EYA1: variants seen among roughly 807,000 people sequenced by gnomAD.
EYA1 encodes EYA transcriptional coactivator and phosphatase 1, also known as protein phosphatase EYA1.
A neutral mutation model predicts 82.0 loss-of-function variants in EYA1; 16 were observed. That is an observed-to-expected ratio of 0.20 (90% CI 0.13 to 0.30). EYA1 has a LOEUF of 0.30. EYA1 is among the 10% of genes least tolerant of loss of function. EYA1 has a pLI of 1.00. For missense variants in EYA1, 633 were observed against 730.7 expected (o/e 0.87, Z 1.54); for synonymous variants, 261 against 264.4 (o/e 0.99, Z 0.12).
At chr8:71,388,821 T>C (rs1829111423) in intron 2 of EYA1, among the ~76,000 whole-genome samples, 1 of 151,938 alleles carries the variant, frequency 6.6e-6, no homozygotes, top group African/African-American at 2.4e-5. Context: ...AGCTTGAAAA[T>C]GAATTGAATT....
intron 2 of EYA1, among the ~76,000 whole-genome samples, chr8:71,518,168 A>G (rs1413793191): frequency 1.3e-5 from 2 of 152,238 alleles, no homozygotes; most frequent in East Asian, 1.9e-4. Context: ...TATCAGTCTA[A>G]GCAACCATTA....
chr8:71,391,781 T>C (rs996181394), intron 2 of EYA1, among the ~76,000 whole-genome samples: 1 of 152,196 alleles, frequency 6.6e-6, no homozygotes, highest in Non-Finnish European at 1.5e-5. Context: ...CAGTGGTTCA[T>C]ACTGTAGTAC....
Position 71,263,990 on chromosome 8 carries a change from G to C in EYA1, c.1050+5750C>G, listed in dbSNP as rs566068297. Among the ~76,000 whole-genome samples, 50 of 152,322 alleles carry C rather than the reference G, an allele frequency of 3.3e-4. No homozygotes were observed. In the South Asian group the frequency reaches 9.9e-3, roughly 30 times the overall value. The stretch of plus-strand genomic sequence containing the variant: ...ACACAGCCACATTTATTCATTGGTT[G>C]CTTTTGCACTACTAAGGCAGAACTG... On this transcript the variant is annotated intron_variant, in intron 11 of 17. Transcript: ENST00000340726.
At chr8:71,328,987 A>G (rs1403186675) in intron 4 of EYA1, among the ~76,000 whole-genome samples, 1 of 152,184 alleles carries the variant, frequency 6.6e-6, no homozygotes, top group Non-Finnish European at 1.5e-5. Context: ...GAAGACCATC[A>G]GGACTGCAAC....
chr8:71,349,199 C>A (rs2129062025), intron 3 of EYA1, among the ~76,000 whole-genome samples: 1 of 152,282 alleles, frequency 6.6e-6, no homozygotes, highest in South Asian at 2.1e-4. Flanking sequence ...CTCACGCACA[C>A]CAGAACTTCA....
At chr8:71,297,802 C>G (rs879592365) in intron 9 of EYA1, among the ~76,000 whole-genome samples, 1 of 152,122 alleles carries the variant, frequency 6.6e-6, no homozygotes, top group Non-Finnish European at 1.5e-5. Flanking sequence ...GATATGTATA[C>G]TCAGTTCTAT....
chr8:71,247,866 A>G (rs896331351), intron 11 of EYA1, among the ~76,000 whole-genome samples: 4 of 152,112 alleles, frequency 2.6e-5, no homozygotes, highest in Non-Finnish European at 4.4e-5. Context: ...TCTCATAACC[A>G]TGTCAATGAA....
chr8:71,354,983 G>C, intron 2 of EYA1, 74 bp from the exon 3 acceptor site: 1 of 1,438,614 alleles, frequency 7.0e-7, no homozygotes, highest in South Asian at 1.1e-5. Context: ...CTAATGACTT[G>C]ACACCTTTGA....
intron 3 of EYA1, among the ~76,000 whole-genome samples, chr8:71,336,474 C>T (rs1314698996): frequency 1.3e-5 from 2 of 152,236 alleles, no homozygotes; most frequent in Non-Finnish European, 2.9e-5. Flanking sequence ...TATGATTCAA[C>T]AGATTCTATA....
intron 4 of EYA1, 59 bp downstream of exon 4, chr8:71,334,038 A>G: frequency 1.7e-6 from 2 of 1,175,468 alleles, no homozygotes; most frequent in Non-Finnish European, 2.6e-6. Context: ...GGGACATTAC[A>G]TGAATAAACT....
intron 7 of EYA1, among the ~76,000 whole-genome samples, chr8:71,307,508 G>T (rs1168269614): frequency 6.6e-6 from 1 of 152,042 alleles, no homozygotes; most frequent in Non-Finnish European, 1.5e-5. Context: ...ATGTATAAAG[G>T]ATTATCTTAG....
intron 11 of EYA1, among the ~76,000 whole-genome samples, chr8:71,267,358 T>G (rs1815964250): frequency 6.6e-6 from 1 of 152,206 alleles, no homozygotes; most frequent in African/African-American, 2.4e-5. Flanking sequence ...TTTCTCCTGA[T>G]GACCATACAG....
At chr8:71,290,390 A>T (rs72622840) in intron 9 of EYA1, among the ~76,000 whole-genome samples, 13,945 of 152,236 alleles carry the variant, frequency 0.092, 1,078 homozygotes, top group East Asian at 0.43. Flanking sequence ...AATATGTAAC[A>T]GTTTTTCAAA....
At chr8:71,491,650 T>C (rs763730789) in intron 2 of EYA1, among the ~76,000 whole-genome samples, 6 of 152,194 alleles carry the variant, frequency 3.9e-5, no homozygotes, top group Non-Finnish European at 7.3e-5. Flanking sequence ...CTGAGACTTC[T>C]AGCCTCCAGA....
intron 7 of EYA1, among the ~76,000 whole-genome samples, chr8:71,300,829 C>G (rs955415199): frequency 2.0e-5 from 3 of 151,736 alleles, no homozygotes; most frequent in Non-Finnish European, 4.4e-5. Context: ...TTTGTGAAAG[C>G]AAAAACTAAA....
intron 10 of EYA1, 35 bp downstream of exon 10, chr8:71,271,723 C>T: frequency 1.9e-6 from 3 of 1,613,986 alleles, no homozygotes; most frequent in Non-Finnish European, 2.5e-6. Context: ...TATTAAGACA[C>T]CTTTCTATTC....
At position 71,299,622 on chromosome 8, in the gene EYA1, T is replaced by G. The variant is rs1403985627; in HGVS notation, c.639+16A>C. 7.0e-7 allele frequency: 1 copy of G among 1,436,694 alleles called. No homozygotes were observed. The allele number at this position is 1,436,694 out of a possible 1,614,324, so 89.0% of individuals were successfully genotyped here. On this transcript the variant is annotated intron_variant, in intron 8 of 17. Transcript: ENST00000340726. Reference sequence around the variant, plus strand: ...TAAAGATATTTTTCAGAAGTTAAACTGGCTTTTTAAATTACCTGCTGTGAA... The same window carrying G: ...TAAAGATATTTTTCAGAAGTTAAACGGGCTTTTTAAATTACCTGCTGTGAA...
intron 2 of EYA1, among the ~76,000 whole-genome samples, chr8:71,425,872 G>A (rs1805190393): frequency 6.6e-6 from 1 of 152,188 alleles, no homozygotes; most frequent in Non-Finnish European, 1.5e-5. Context: ...CCAACAATGG[G>A]GAAAGAAAGC....
chr8:71,250,684 C>G (rs918376786), intron 11 of EYA1, among the ~76,000 whole-genome samples: 1 of 152,138 alleles, frequency 6.6e-6, no homozygotes, highest in Non-Finnish European at 1.5e-5. Flanking sequence ...TTAGATTTTT[C>G]TCTCTCTTTA....
Sources: allele counts gnomAD v4.1 joint callset (sites outside exome capture counted in the v4.1 genomes callset), GRCh38; gene constraint gnomAD v4.1.1; transcripts MANE v1.5; gene names NCBI Gene and HGNC (gene_info 2026-07-23, HGNC 2026-07-21).